Variants in ZBTB25 observed in about 807,000 individuals in gnomAD.
The protein encoded by ZBTB25 is zinc finger and BTB domain-containing protein 25.
In ZBTB25, 20 loss-of-function variants were observed where a neutral mutation model predicts 34.2. That is an observed-to-expected ratio of 0.58 (90% CI 0.41 to 0.85). The LOEUF is 0.85. ZBTB25 is among the 40% of genes least tolerant of loss of function. The pLI, the probability that ZBTB25 is intolerant of heterozygous loss-of-function variation, is 0.00. For synonymous variants in ZBTB25, 175 were observed against 186.4 expected, an observed-to-expected ratio of 0.94 and a Z score of 0.50; for missense variants, 437 against 521.8, an observed-to-expected ratio of 0.84 and a Z score of 1.58.
intron 2 of ZBTB25, among the ~76,000 whole-genome samples, chr14:64,489,137 A>G (rs1044977167): frequency 6.6e-6 from 1 of 152,118 alleles, no homozygotes; most frequent in Non-Finnish European, 1.5e-5. Context: ...GGTCCTAGCT[A>G]CTAGGGAGAC....
At chr14:64,499,502 GTTGTGGTGAGCTGAGA>G in intron 1 of ZBTB25, 1 of 151,942 alleles carries the variant, frequency 6.6e-6, no homozygotes, top group African/African-American at 2.4e-5. Context: ...GGAGGCAGAG[GTTGTGGTGAGCTGAGA>G]TTGTGTCATT....
intron 2 of ZBTB25, among the ~76,000 whole-genome samples, chr14:64,451,172 A>G (rs1330509348): frequency 6.6e-6 from 1 of 152,158 alleles, no homozygotes; most frequent in African/African-American, 2.4e-5. Flanking sequence ...CTCAAAAAAA[A>G]AATTTTGTTT....
intron 2 of ZBTB25, among the ~76,000 whole-genome samples, chr14:64,488,714 G>T (rs1192056031): frequency 1.3e-5 from 2 of 148,820 alleles, no homozygotes; most frequent in Non-Finnish European, 2.9e-5. Context: ...AATTCATAGA[G>T]ATAGAAAGTA....
At chr14:64,452,176 T>C (rs1183178993) in intron 2 of ZBTB25, among the ~76,000 whole-genome samples, 1 of 152,156 alleles carries the variant, frequency 6.6e-6, no homozygotes, top group Non-Finnish European at 1.5e-5. Flanking sequence ...ATGCCTGTGA[T>C]CCCAGCTACT....
At chr14:64,491,114 A>G (rs2079060615) in intron 1 of ZBTB25, among the ~76,000 whole-genome samples, 1 of 152,084 alleles carries the variant, frequency 6.6e-6, no homozygotes, top group Admixed American at 6.5e-5. Context: ...TAGCTCAGGA[A>G]CTCTTAAAAT....
chr14:64,475,767 G>C (rs1019652498), downstream of ZBTB25, among the ~76,000 whole-genome samples: 1 of 152,166 alleles, frequency 6.6e-6, no homozygotes, highest in East Asian at 1.9e-4. Flanking sequence ...GGAGAGGATG[G>C]TGTGGCGCCG....
chr14:64,449,496 T>C lies in ZBTB25; in HGVS notation c.*55A>G, dbSNP rs1429898732. ...TCATCAGCCGCCTTTCCAGAGAACA[T>C]GGGGCTTTTGATGCCGTGAAGTGCA... is the stretch of plus-strand genomic sequence containing the variant. On this transcript the variant is annotated 3_prime_UTR_variant, in exon 3 of 3. Transcript: ENST00000555220. 1.9e-6 allele frequency: 3 copies of C among 1,613,992 alleles called. No homozygotes were observed. The African/African-American group carries it at 4.0e-5, about 22-fold the overall frequency.
At chr14:64,471,968 CT>C (rs1348657827) in intron 2 of ZBTB25, 2 of 166,348 alleles carry the variant, frequency 1.2e-5, no homozygotes, top group Non-Finnish European at 2.9e-5. Flanking sequence ...TAGCAAGATT[CT>C]TTGCTGAAGT....
chr14:64,456,223 C>T (rs1438067444), intron 2 of ZBTB25, among the ~76,000 whole-genome samples: 1 of 152,184 alleles, frequency 6.6e-6, no homozygotes, highest in Admixed American at 6.5e-5. Flanking sequence ...TCAAGACTTT[C>T]TCATTTAGAA....
At chr14:64,502,543 C>T in intron 1 of ZBTB25, 1 of 761,346 alleles carries the variant, frequency 1.3e-6, no homozygotes. Flanking sequence ...GCTTTTAGTT[C>T]CAAAAATACA....
chr14:64,470,330 C>T (rs2078655436), intron 2 of ZBTB25: 1 of 166,924 alleles, frequency 6.0e-6, no homozygotes, highest in Non-Finnish European at 1.5e-5. Context: ...TGGCTCACGC[C>T]TATAATCCCA....
intron 2 of ZBTB25, chr14:64,453,921 T>C (rs2078420847): frequency 9.4e-7 from 1 of 1,065,030 alleles, no homozygotes; most frequent in South Asian, 1.3e-5. Context: ...GGAGTCACAA[T>C]CTCTGGGTCC....
chr14:64,461,624 C>T (rs997125838), intron 2 of ZBTB25: 2 of 126,600 alleles, frequency 1.6e-5, no homozygotes, highest in Non-Finnish European at 1.6e-5. Context: ...GGACAAGAGT[C>T]GTGCTCTTTT....
intron 2 of ZBTB25, among the ~76,000 whole-genome samples, chr14:64,454,231 G>A (rs1361866906): frequency 2.6e-5 from 4 of 152,156 alleles, no homozygotes; most frequent in Non-Finnish European, 1.5e-5. Flanking sequence ...TCCCACCTCA[G>A]CCTCCTGAGT....
At chr14:64,449,885 T>A (rs1250495873) in intron 2 of ZBTB25, among the ~76,000 whole-genome samples, 1 of 152,210 alleles carries the variant, frequency 6.6e-6, no homozygotes, top group Non-Finnish European at 1.5e-5. Context: ...GCCTCCTGGG[T>A]TCAAGTGATT....
At chr14:64,466,391 A>G (rs1218953203) in intron 2 of ZBTB25, among the ~76,000 whole-genome samples, 2 of 152,176 alleles carry the variant, frequency 1.3e-5, no homozygotes, top group Non-Finnish European at 2.9e-5. Flanking sequence ...TCTTTGCGCA[A>G]TCCAGGTTAG....
intron 2 of ZBTB25, chr14:64,453,911 G>A: frequency 1.7e-6 from 2 of 1,185,890 alleles, no homozygotes; most frequent in Non-Finnish European, 2.5e-6. Flanking sequence ...AGCAGGACTT[G>A]GAGTCACAAT....
chr14:64,449,377 G>T (rs937180214), exon 3 of ZBTB25: 1 of 1,568,754 alleles, frequency 6.4e-7, no homozygotes, highest in African/African-American at 1.4e-5. Flanking sequence ...AGGTTTAATG[G>T]CAAAAAGAAG....
intron 1 of ZBTB25, chr14:64,502,939 G>C: frequency 1.0e-6 from 1 of 985,488 alleles, no homozygotes; most frequent in Non-Finnish European, 1.2e-6. Context: ...GCTCTGCCAG[G>C]ACTTGAGTCT....
Sources: allele counts gnomAD v4.1 joint callset (sites outside exome capture counted in the v4.1 genomes callset), GRCh38; gene constraint gnomAD v4.1.1; transcripts MANE v1.5; gene names NCBI Gene and HGNC (gene_info 2026-07-23, HGNC 2026-07-21).